The following ATP8B4 variants were observed in gnomAD, a reference collection of about 807,000 sequenced individuals.
ATP8B4 encodes probable phospholipid-transporting ATPase IM.
A neutral mutation model predicts 145.6 loss-of-function variants in ATP8B4; 133 were observed. The observed-to-expected ratio is 0.91, with a 90% confidence interval of 0.79 to 1.05. ATP8B4 has a LOEUF of 1.05. Among genes scored for constraint, ATP8B4 ranks in the 50% least tolerant of loss-of-function variants. ATP8B4 has a pLI of 0.00. For synonymous variants in ATP8B4, 507 were observed against 492.9 expected, an observed-to-expected ratio of 1.03 and a Z score of -0.38; for missense variants, 1,458 against 1,425.2, an observed-to-expected ratio of 1.02 and a Z score of -0.37.
rs549244688 is a variant in ATP8B4, at chr15:50,130,439, A to G, written c.-42-23431T>C. 1.5e-4 allele frequency among the ~76,000 whole-genome samples: 23 copies of G among 152,252 alleles called. No homozygotes were observed. The East Asian group carries it at 3.9e-3, about 26-fold the overall frequency. ...CTGGTGAGTAACTGAGTATTCTTAT[A>G]TAAGTCACTCAACTTCTTGGGGTCT... On this transcript the variant is annotated intron_variant, in intron 1 of 3. Coordinates refer to the ATP8B4 transcript ENST00000558829.
intron 1 of ATP8B4, among the ~76,000 whole-genome samples, chr15:50,138,326 G>GTAGGTAGATAGATAGATAGA (rs1555496744): frequency 8.8e-5 from 13 of 148,118 alleles, no homozygotes; most frequent in African/African-American, 1.3e-4. Flanking sequence ...AGATAGATAG[G>GTAGGTAGATAGATAGATAGA]TAGATAGATA....
At chr15:49,980,575 T>TAA (rs559326046) in intron 11 of ATP8B4, among the ~76,000 whole-genome samples, 1 of 149,516 alleles carries the variant, frequency 6.7e-6, no homozygotes, top group African/African-American at 2.5e-5. Context: ...GAATCAGAAG[T>TAA]AAAAAAAAAA....
At chr15:49,862,090 A>G (rs1164453075) in intron 27 of ATP8B4, among the ~76,000 whole-genome samples, 155 bp downstream of exon 27, 1 of 152,224 alleles carries the variant, frequency 6.6e-6, no homozygotes, top group African/African-American at 2.4e-5. Context: ...AAGATGTGGG[A>G]AGTCCCATCT....
At chr15:49,986,003 T>C (rs1002653457) in intron 10 of ATP8B4, among the ~76,000 whole-genome samples, 1 of 152,184 alleles carries the variant, frequency 6.6e-6, no homozygotes, top group African/African-American at 2.4e-5. Flanking sequence ...GTCTGCCCAA[T>C]CCAAATTCTG....
At chr15:50,128,542 AC>A (rs1443908394) in intron 1 of ATP8B4, among the ~76,000 whole-genome samples, 2 of 152,226 alleles carry the variant, frequency 1.3e-5, no homozygotes, top group East Asian at 3.8e-4. Context: ...ACTTCCCTCT[AC>A]TGTCACAGAG....
intron 14 of ATP8B4, among the ~76,000 whole-genome samples, chr15:49,949,240 T>C (rs1394203314): frequency 6.6e-6 from 1 of 152,348 alleles, no homozygotes. Context: ...TAGCATTGAA[T>C]CTATAAATTA....
chr15:50,047,906 G>T (rs4520793), intron 3 of ATP8B4, among the ~76,000 whole-genome samples: 140,183 of 152,304 alleles, frequency 0.92, 64,718 homozygotes, highest in East Asian at 1. Context: ...AGATCTCCTG[G>T]GATGGGAAAC....
In ATP8B4 at chr15:50,038,839, C is replaced by T. The variant is rs1307263474; in HGVS notation, c.301-10G>A. The T allele has an allele frequency of 6.2e-7, 1 of 1,612,544 alleles. No homozygotes were observed. Among genetic ancestry groups the T allele is most frequent in the South Asian group, 1.1e-5 (1 of 90,986 alleles). ...CACTCTTGTGGCGAAACTGAAAAATCAAAGTGTTTGTGAGAAAACACATTA... is the reference window on the plus strand; with the variant it reads ...CACTCTTGTGGCGAAACTGAAAAATTAAAGTGTTTGTGAGAAAACACATTA... On this transcript the variant is annotated splice_polypyrimidine_tract_variant and intron_variant, in intron 5 of 27. Coordinates refer to ENST00000284509, the MANE Select transcript of ATP8B4 (RefSeq NM_024837.4).
chr15:49,956,915 G>GA (rs1157465884), intron 14 of ATP8B4, among the ~76,000 whole-genome samples: 1 of 151,856 alleles, frequency 6.6e-6, no homozygotes, highest in Non-Finnish European at 1.5e-5. Flanking sequence ...AAAAATAACT[G>GA]AAAAAAATAA....
In ATP8B4 at chr15:49,972,533, C is replaced by G. The variant is rs745938202; in HGVS notation, c.1243+49G>C. ...TTTTTTTTTAATGGGGTCAGTTATTCAAGAAATTGTTAACAATATCGTTAA... is the reference window on the plus strand; with the variant it reads ...TTTTTTTTTAATGGGGTCAGTTATTGAAGAAATTGTTAACAATATCGTTAA... On this transcript the variant is annotated intron_variant, in intron 13 of 27. Transcript: ENST00000284509. The G allele has an allele frequency of 1.9e-6, 3 of 1,555,584 alleles. No individual in the cohort carries two copies. The South Asian group carries it at 3.5e-5, about 18-fold the overall frequency.
intron 6 of ATP8B4, chr15:50,018,824 G>T (rs1395060932): frequency 2.6e-6 from 2 of 774,254 alleles, no homozygotes; most frequent in Admixed American, 2.7e-5. Context: ...TTTCAGTCAG[G>T]ATTTATTTAT....
chr15:49,917,195 G>C, intron 19 of ATP8B4, 156 bp from the exon 20 acceptor site: 1 of 609,610 alleles, frequency 1.6e-6, no homozygotes, highest in East Asian at 2.9e-5. Flanking sequence ...AAGCAGTGCA[G>C]AGGGAAATTC....
At chr15:50,154,395 T>C (rs954000026) in intron 1 of ATP8B4, among the ~76,000 whole-genome samples, 5 of 152,170 alleles carry the variant, frequency 3.3e-5, no homozygotes, top group Non-Finnish European at 5.9e-5. Context: ...ACAAAATTAT[T>C]CTTTTTCCTC....
chr15:49,928,467 G>T (rs999266326), intron 16 of ATP8B4, among the ~76,000 whole-genome samples: 1 of 152,056 alleles, frequency 6.6e-6, no homozygotes, highest in Non-Finnish European at 1.5e-5. Flanking sequence ...TAGAAGAAAA[G>T]TAGATTGAGA....
chr15:50,087,034 T>C (rs186899181), intron 2 of ATP8B4, among the ~76,000 whole-genome samples: 1,558 of 113,932 alleles, frequency 0.014, 14 homozygotes, highest in South Asian at 0.034. Flanking sequence ...TATAATAAAA[T>C]AATATAGAGA....
At chr15:49,902,004 T>C (rs896218065) in intron 20 of ATP8B4, 8 of 222,612 alleles carry the variant, frequency 3.6e-5, no homozygotes, top group South Asian at 3.1e-4. Flanking sequence ...AAGAGGAAGA[T>C]TGTATGGTGA....
At chr15:50,059,117 TAAATAA>T (rs1311669552) in intron 3 of ATP8B4, among the ~76,000 whole-genome samples, 1 of 152,204 alleles carries the variant, frequency 6.6e-6, no homozygotes, top group Non-Finnish European at 1.5e-5. Context: ...TAGTCTGAGT[TAAATAA>T]AGACTATCAT....
chr15:49,930,539 A>G (rs1005509243), intron 16 of ATP8B4, among the ~76,000 whole-genome samples: 4 of 152,096 alleles, frequency 2.6e-5, no homozygotes, highest in African/African-American at 9.7e-5. Flanking sequence ...ATGGAGGTGG[A>G]CAGAGAAAAT....
chr15:49,868,355 T>C (rs1170896675), intron 25 of ATP8B4, among the ~76,000 whole-genome samples: 1 of 152,120 alleles, frequency 6.6e-6, no homozygotes, highest in African/African-American at 2.4e-5. Flanking sequence ...ATCATGTAAA[T>C]GTAAAGGCAA....
Sources: allele counts gnomAD v4.1 joint callset (sites outside exome capture counted in the v4.1 genomes callset), GRCh38; gene constraint gnomAD v4.1.1; transcripts MANE v1.5; gene names NCBI Gene and HGNC (gene_info 2026-07-23, HGNC 2026-07-21).